CSNK1A1: variants seen among roughly 807,000 people sequenced by gnomAD.
The protein encoded by CSNK1A1 is casein kinase 1 alpha 1, also known as casein kinase I isoform alpha.
A neutral mutation model predicts 46.1 loss-of-function variants in CSNK1A1; 7 were observed. That is an observed-to-expected ratio of 0.15 (90% confidence interval 0.09 to 0.29). The LOEUF is 0.29. Among genes scored for constraint, CSNK1A1 ranks in the 10% least tolerant of loss-of-function variants. CSNK1A1 has a pLI of 1.00. For missense variants in CSNK1A1, 96 were observed against 417.1 expected (o/e 0.23, Z 6.71); for synonymous variants, 137 against 141.5 (o/e 0.97, Z 0.23).
intron 3 of CSNK1A1, among the ~76,000 whole-genome samples, chr5:149,523,138 T>G (rs1580840254): frequency 6.6e-6 from 1 of 151,668 alleles, no homozygotes; most frequent in Admixed American, 6.6e-5. Context: ...CCTCCTGGGT[T>G]CATGTGATTC....
intron 8 of CSNK1A1, 36 bp from the exon 9 acceptor site, chr5:149,505,631 A>G (rs1156460092): frequency 1.9e-6 from 3 of 1,570,972 alleles, no homozygotes; most frequent in African/African-American, 2.7e-5. Flanking sequence ...TAATCCTTTA[A>G]TAACAGAGTC....
In CSNK1A1 at chr5:149,495,440, A is replaced by C. The variant is rs1292544424; in HGVS notation, c.*1413T>G. On this transcript the variant is annotated 3_prime_UTR_variant, in exon 10 of 10. Transcript: ENST00000377843. ...AGTAAGTTTTCCTTTCTCATGGGTC[A>C]GAGAAAAAGAAATGAGCGTGCAAAG... 1 of 152,134 alleles carries C rather than the reference A, an allele frequency of 6.6e-6. No individual in the cohort carries two copies. The highest frequency in any genetic ancestry group is 1.9e-4 in the East Asian group (1 of 5,202). The allele number at this position is 152,134 out of a possible 1,614,324, so 9.4% of individuals were successfully genotyped here.
chr5:149,542,624 A>ATG (rs1762296297), intron 2 of CSNK1A1, among the ~76,000 whole-genome samples: 2 of 13,718 alleles, frequency 1.5e-4, no homozygotes, highest in Non-Finnish European at 2.1e-4. Flanking sequence ...ATATATATAT[A>ATG]TATATATATA....
Position 149,550,378 on chromosome 5 carries a change from T to C in CSNK1A1, c.124-197A>G. The stretch of plus-strand genomic sequence containing the variant: ...CTTCAGGGGGTAGTGACGAAATCCG[T>C]ACGTCCTCTAAAGTGCAGGAAAATG... On this transcript the variant is annotated intron_variant, in intron 1 of 9. Coordinates refer to ENST00000377843, the MANE Select transcript of CSNK1A1 (RefSeq NM_001892.6). The surrounding 1 kb of genome is among the most constrained non-coding windows in gnomAD (Gnocchi z 4.3). The C allele has an allele frequency of 7.2e-7, 1 of 1,381,306 alleles. No individual in the cohort carries two copies. 85.6% of individuals were successfully genotyped at this position (1,381,306 alleles called of 1,614,324 possible).
In CSNK1A1 at chr5:149,544,737, T is replaced by TA. The variant is rs1554118044; in HGVS notation, c.230+5337_230+5338insT. On this transcript the variant is annotated intron_variant, in intron 2 of 9. Transcript: ENST00000377843. ...GTGAGGATGATGAGGGTAAAGAGCT[T>TA]TATATATATATATATATATATATAT... Among the ~76,000 whole-genome samples, 122 of 80,794 alleles carry TA rather than the reference T, an allele frequency of 1.5e-3. 6 individuals carry two copies. Among genetic ancestry groups the TA allele is most frequent in the Admixed American group, 5.8e-3 (42 of 7,294 alleles). 53.0% of individuals were successfully genotyped at this position (80,794 alleles called of 152,430 possible).
At chr5:149,538,199 T>C (rs1762122163) in intron 2 of CSNK1A1, among the ~76,000 whole-genome samples, 1 of 151,860 alleles carries the variant, frequency 6.6e-6, no homozygotes, top group African/African-American at 2.4e-5. Context: ...ATTTTGTATT[T>C]TTAGTAGAGA....
intron 2 of CSNK1A1, among the ~76,000 whole-genome samples, chr5:149,526,035 C>T (rs1023868457): frequency 6.6e-6 from 1 of 152,162 alleles, no homozygotes; most frequent in African/African-American, 2.4e-5. Context: ...AAGAACCAAT[C>T]CCAAAATTTA....
At position 149,550,691 on chromosome 5, in the gene CSNK1A1, C is replaced by A. The variant is rs1414589053; in HGVS notation, c.123+151G>T. On this transcript the variant is annotated intron_variant, in intron 1 of 9. Transcript: ENST00000377843. The surrounding 1 kb of genome is among the most constrained non-coding windows in gnomAD (Gnocchi z 4.3). ...TTGACCCTTTTAGGGAGACAGCGGA[C>A]GAGGTTCGTAAGCCAGGAAAACTAG... is the stretch of plus-strand genomic sequence containing the variant. 7.2e-6 allele frequency: 8 copies of A among 1,108,234 alleles called. No homozygotes were observed. Among genetic ancestry groups the A allele is most frequent in the Non-Finnish European group, 1.0e-5 (8 of 788,896 alleles). 68.7% of individuals were successfully genotyped at this position (1,108,234 alleles called of 1,614,324 possible).
At chr5:149,508,625 T>C (rs1032003928) in intron 7 of CSNK1A1, among the ~76,000 whole-genome samples, 17 of 152,258 alleles carry the variant, frequency 1.1e-4, no homozygotes, top group African/African-American at 3.9e-4. Flanking sequence ...TGATTCAAAC[T>C]GTCTTCTGTA....
At position 149,505,507 on chromosome 5, in the gene CSNK1A1, C is replaced by G; in HGVS notation, c.946G>C (p.Gly316Arg). 6.2e-7 allele frequency: 1 copy of G among 1,613,990 alleles called. No homozygotes were observed. Among genetic ancestry groups the G allele is most frequent in the Non-Finnish European group, 8.5e-7 (1 of 1,180,002 alleles). The change falls in exon 9 of 10, where the codon GGT becomes CGT. Residue 316 changes from glycine to arginine, a missense_variant. By Grantham distance (125) the Gly-to-Arg change is moderately radical. Coordinates refer to ENST00000377843, the MANE Select transcript of CSNK1A1 (RefSeq NM_001892.6). Reference sequence around the variant, plus strand: ...CCTGTGGGGGTTTGGGCCTGCTGACCCTGCCCACTGGAAGAGGCTGCCTGC... The same window carrying G: ...CCTGTGGGGGTTTGGGCCTGCTGACGCTGCCCACTGGAAGAGGCTGCCTGC... ...AQQAASSSGQ[G>R]QQAQTPTGKQ...
chr5:149,508,421 G>A (rs758908216), intron 7 of CSNK1A1, among the ~76,000 whole-genome samples: 2 of 151,960 alleles, frequency 1.3e-5, no homozygotes, highest in Non-Finnish European at 2.9e-5. Flanking sequence ...AACTCTCACT[G>A]ATTTCTTCCC....
chr5:149,522,039 T>A (rs563867357), intron 3 of CSNK1A1, among the ~76,000 whole-genome samples: 1 of 152,346 alleles, frequency 6.6e-6, no homozygotes, highest in East Asian at 1.9e-4. Flanking sequence ...TCTGTCATTA[T>A]GTAAACAAAT....
chr5:149,545,931 C>T (rs1280943598), intron 2 of CSNK1A1: 4 of 228,450 alleles, frequency 1.8e-5, no homozygotes, highest in Non-Finnish European at 3.5e-5. Context: ...TTCTGTCGCC[C>T]AGGCTGGAGT....
chr5:149,501,071 A>G, intron 9 of CSNK1A1: 3 of 985,400 alleles, frequency 3.0e-6, no homozygotes, highest in Non-Finnish European at 3.6e-6. Flanking sequence ...AACACCACTG[A>G]GTCATAGCAA....
intron 2 of CSNK1A1, among the ~76,000 whole-genome samples, chr5:149,548,129 C>T (rs1762536423): frequency 6.6e-6 from 1 of 152,072 alleles, no homozygotes; most frequent in African/African-American, 2.4e-5. Context: ...CCTTGGCCTC[C>T]CAAAGTGCTT....
At chr5:149,527,826 G>C (rs1761770209) in intron 2 of CSNK1A1, among the ~76,000 whole-genome samples, 1 of 152,152 alleles carries the variant, frequency 6.6e-6, no homozygotes, top group Non-Finnish European at 1.5e-5. Flanking sequence ...AAGGAAGTAA[G>C]AAGGCGCAAA....
chr5:149,538,395 T>C (rs551133552), intron 2 of CSNK1A1, among the ~76,000 whole-genome samples: 3 of 152,218 alleles, frequency 2.0e-5, no homozygotes, highest in African/African-American at 7.2e-5. Context: ...AAAGAAATGG[T>C]TGTTCTCTTC....
intron 8 of CSNK1A1, 32 bp downstream of exon 8, chr5:149,506,995 G>A: frequency 1.3e-6 from 2 of 1,541,066 alleles, no homozygotes; most frequent in Non-Finnish European, 1.8e-6. Context: ...CCCTCACAGA[G>A]TTTATAATCT....
intron 9 of CSNK1A1, chr5:149,498,750 G>T (rs530322693): frequency 1.0e-6 from 1 of 985,244 alleles, no homozygotes; most frequent in East Asian, 1.1e-4. Context: ...TAAACTAATT[G>T]TTATGGTGAA....
Sources: gnomAD v4.1 joint callset for allele counts (sites outside exome capture counted in the v4.1 genomes callset) on GRCh38, gnomAD v4.1.1 for gene constraint, Gnocchi (gnomAD v3.1) non-coding constraint, MANE v1.5 for transcripts, NCBI Gene and HGNC (gene_info 2026-07-23, HGNC 2026-07-21) for gene names.